ANO4: variants seen among roughly 807,000 people sequenced by gnomAD.
ANO4 encodes the protein anoctamin 4, also known as anoctamin-4.
In ANO4, 69 loss-of-function variants were observed where a neutral mutation model predicts 141.9. The ratio of observed to expected loss-of-function variants is 0.49; its 90% confidence interval spans 0.40 to 0.59. ANO4 has a LOEUF of 0.59. Ranked by LOEUF, ANO4 falls within the 20% of genes least tolerant of loss-of-function variation. ANO4 has a pLI of 0.00. For synonymous variants in ANO4, 350 were observed against 394.3 expected (o/e 0.89, Z 1.33); for missense variants, 894 against 1,162.2 (o/e 0.77, Z 3.36).
At chr12:100,724,578 G>A (rs2031022636) in intron 1 of ANO4, among the ~76,000 whole-genome samples, 1 of 152,234 alleles carries the variant, frequency 6.6e-6, no homozygotes, top group Admixed American at 6.5e-5. Flanking sequence ...TAGTAACAAA[G>A]AGATCTGTTT....
intron 1 of ANO4, among the ~76,000 whole-genome samples, chr12:100,838,455 T>G (rs557147636): frequency 6.6e-6 from 1 of 152,064 alleles, no homozygotes; most frequent in Non-Finnish European, 1.5e-5. Flanking sequence ...ACTATCAGCA[T>G]AGCAGGAATA....
chr12:100,946,254 G>T (rs887183792), intron 5 of ANO4, among the ~76,000 whole-genome samples: 1 of 152,198 alleles, frequency 6.6e-6, no homozygotes, highest in African/African-American at 2.4e-5. Flanking sequence ...TTTTCTCTGA[G>T]TGACATAGGA....
At chr12:100,780,835 T>G (rs2033690119) in intron 3 of ANO4, among the ~76,000 whole-genome samples, 1 of 152,226 alleles carries the variant, frequency 6.6e-6, no homozygotes, top group South Asian at 2.1e-4. Flanking sequence ...TGAGCCTCTG[T>G]GCCCAGCCGC....
intron 9 of ANO4, among the ~76,000 whole-genome samples, chr12:101,029,008 G>A (rs1478848176): frequency 1.3e-5 from 2 of 152,336 alleles, no homozygotes; most frequent in Non-Finnish European, 2.9e-5. Flanking sequence ...CAAGTCAGAA[G>A]AGATTGGGGG....
chr12:100,804,193 C>T (rs138153913), intron 1 of ANO4, among the ~76,000 whole-genome samples: 2,423 of 152,228 alleles, frequency 0.016, 55 homozygotes, highest in African/African-American at 0.055. Context: ...TAAGTGAGAA[C>T]ACATGGTGTT....
At chr12:100,923,471 C>CT (rs1158443785) in intron 3 of ANO4, among the ~76,000 whole-genome samples, 2 of 141,526 alleles carry the variant, frequency 1.4e-5, no homozygotes, top group East Asian at 3.9e-4. Flanking sequence ...TGAACTCATC[C>CT]TTTTTTATGG....
chr12:100,936,942 G>A (rs2042310600), intron 3 of ANO4, among the ~76,000 whole-genome samples: 1 of 152,186 alleles, frequency 6.6e-6, no homozygotes, highest in African/African-American at 2.4e-5. Context: ...AGAATAGCGA[G>A]CAGGTCCTCT....
intron 1 of ANO4, among the ~76,000 whole-genome samples, chr12:100,826,480 T>A (rs2036348848): frequency 6.6e-6 from 1 of 151,994 alleles, no homozygotes; most frequent in Non-Finnish European, 1.5e-5. Context: ...TCTAGCACCT[T>A]CTGTGTTTTT....
At chr12:100,888,739 A>G (rs1053865712) in intron 1 of ANO4, among the ~76,000 whole-genome samples, 17 of 152,234 alleles carry the variant, frequency 1.1e-4, no homozygotes, top group Non-Finnish European at 1.5e-5. Flanking sequence ...TCACCAGCAC[A>G]GGGACCATCT....
At chr12:100,937,672 C>T (rs1325650112) in intron 3 of ANO4, among the ~76,000 whole-genome samples, 2 of 152,060 alleles carry the variant, frequency 1.3e-5, no homozygotes. Context: ...GCTTAGTGGC[C>T]TCAAACAATA....
At chr12:101,037,258 T>G (rs2047236707) in intron 10 of ANO4, 108 bp downstream of exon 10, 2 of 1,229,392 alleles carry the variant, frequency 1.6e-6, no homozygotes, top group African/African-American at 3.0e-5. Flanking sequence ...CAGAATGAAT[T>G]TAATTTGTTC....
intron 5 of ANO4, among the ~76,000 whole-genome samples, chr12:100,964,684 C>T (rs1280636601): frequency 2.0e-5 from 3 of 152,092 alleles, no homozygotes; most frequent in Non-Finnish European, 4.4e-5. Context: ...CATATTTATG[C>T]CTCAGGGCCT....
At chr12:100,782,517 C>T (rs541922513) in intron 3 of ANO4, among the ~76,000 whole-genome samples, 1 of 152,290 alleles carries the variant, frequency 6.6e-6, no homozygotes, top group Non-Finnish European at 1.5e-5. Flanking sequence ...AGTCCTTAGT[C>T]ACTTTCTCTA....
intron 1 of ANO4, among the ~76,000 whole-genome samples, chr12:100,883,331 G>A (rs74442491): frequency 0.047 from 7,178 of 152,240 alleles, 227 homozygotes; most frequent in Middle Eastern, 0.092. Flanking sequence ...AGCCTTAAGG[G>A]CCATAAGGTC....
chr12:100,944,458 A>G (rs1478434363), intron 5 of ANO4, among the ~76,000 whole-genome samples: 2 of 151,866 alleles, frequency 1.3e-5, no homozygotes, highest in East Asian at 1.9e-4. Flanking sequence ...ACTATATGGC[A>G]AAACATCATA....
chr12:100,722,196 C>A lies in ANO4; in HGVS notation c.22+4649C>A, dbSNP rs879520729. 5.5e-4 allele frequency among the ~76,000 whole-genome samples: 83 copies of A among 152,126 alleles called. 1 individual carries two copies. The highest frequency in any genetic ancestry group is 1.9e-3 in the African/African-American group (78 of 41,404). ...TTGGTCCTTTTTCCTTAACATCTTT[C>A]AACTTTGCTTTCTCCTTGCCCTGCC... On this transcript the variant is annotated intron_variant, in intron 1 of 29. Transcript: ENST00000644049.
Position 101,127,940 on chromosome 12 carries a change from C to T in ANO4, c.*84C>T, listed in dbSNP as rs946869571. The T allele has an allele frequency of 2.6e-5, 4 of 152,594 alleles. No individual in the cohort carries two copies. The highest frequency in any genetic ancestry group is 5.9e-5 in the Non-Finnish European group (4 of 68,042). The allele number at this position is 152,594 out of a possible 1,614,324, so 9.5% of individuals were successfully genotyped here. On this transcript the variant is annotated 3_prime_UTR_variant, in exon 28 of 28. Transcript: ENST00000392977. ...TGCAAAAGCACACTCAAGTGAATGA[C>T]TAAAAATGCAACCACAGTGCATGTT...
chr12:101,083,396 G>T (rs1463558561), intron 15 of ANO4, among the ~76,000 whole-genome samples: 1 of 152,156 alleles, frequency 6.6e-6, no homozygotes, highest in Non-Finnish European at 1.5e-5. Context: ...TCTCAGGGTG[G>T]TTTTTTCTTC....
intron 8 of ANO4, among the ~76,000 whole-genome samples, chr12:101,018,750 G>C (rs1204174521): frequency 6.6e-6 from 1 of 152,134 alleles, no homozygotes; most frequent in Admixed American, 6.6e-5. Context: ...TCCTGAATGA[G>C]CTCATGGTCT....
Sources: gnomAD v4.1 joint callset for allele counts (sites outside exome capture counted in the v4.1 genomes callset) on GRCh38, gnomAD v4.1.1 for gene constraint, MANE v1.5 for transcripts, NCBI Gene and HGNC (gene_info 2026-07-23, HGNC 2026-07-21) for gene names.